The following ZNF512B variants were observed in gnomAD, a reference collection of about 807,000 sequenced individuals.
The protein encoded by ZNF512B is zinc finger protein 512B.
ZNF512B carries 22 observed loss-of-function variants against 87.8 expected under a neutral mutation model. That is an observed-to-expected ratio of 0.25 (90% CI 0.18 to 0.36). The LOEUF (loss-of-function observed/expected upper bound fraction) is 0.36, where lower values mean the gene tolerates loss of function less well. ZNF512B is among the 10% of genes least tolerant of loss of function. The pLI is 1.00. For missense variants in ZNF512B, 1,060 were observed against 1,231.6 expected (o/e 0.86, Z 2.09); for synonymous variants, 524 against 490.9 (o/e 1.07, Z -0.89).
Position 63,966,866 on chromosome 20 carries a change from A to T in ZNF512B, c.393+10T>A. 1 of 1,613,736 alleles carries T rather than the reference A, an allele frequency of 6.2e-7. No individual in the cohort carries two copies. Among genetic ancestry groups the T allele is most frequent in the Non-Finnish European group, 8.5e-7 (1 of 1,179,976 alleles). On this transcript the variant is annotated intron_variant, in intron 4 of 16. Coordinates refer to ENST00000369888, the MANE Select transcript of ZNF512B (RefSeq NM_020713.3). ...CGAGGCCTCCTCTCCCCCGACCCACAGTCCCTTACCCCTTGGCACCGCTGG... is the reference window on the plus strand; with the variant it reads ...CGAGGCCTCCTCTCCCCCGACCCACTGTCCCTTACCCCTTGGCACCGCTGG...
chr20:63,963,735 G>A, intron 9 of ZNF512B, 25 bp from the exon 10 acceptor site: 1 of 1,613,162 alleles, frequency 6.2e-7, no homozygotes, highest in South Asian at 1.1e-5. Context: ...CATGTGAGAA[G>A]CCTGCCTGGG....
At position 63,965,613 on chromosome 20, in the gene ZNF512B, C is replaced by T. The variant is rs1206507704; in HGVS notation, c.1034+528G>A. Among the ~76,000 whole-genome samples the T allele has an allele frequency of 1.9e-4, 3 of 15,868 alleles. 1 individual carries two copies. The highest frequency in any genetic ancestry group is 2.1e-3 in the African/African-American group (2 of 944). 10.4% of individuals were successfully genotyped at this position (15,868 alleles called of 152,430 possible). On this transcript the variant is annotated intron_variant, in intron 5 of 16. Transcript: ENST00000369888. ...GGACGAGCCCCCATACCTTTTCTCA[C>T]CACTGTTCCTCCCCGACCTGGGACG...
At chr20:63,962,251 C>T (rs759049002) in intron 14 of ZNF512B, 22 bp downstream of exon 14, 8 of 1,594,118 alleles carry the variant, frequency 5.0e-6, no homozygotes, top group South Asian at 2.2e-5. Context: ...CCCACGCCCC[C>T]CACCCGGCTG....
rs749898180 is a variant in ZNF512B, at chr20:63,964,663, T to C, written c.1088A>G (p.Glu363Gly). 5.6e-6 allele frequency: 9 copies of C among 1,612,336 alleles called. No homozygotes were observed. Among genetic ancestry groups the C allele is most frequent in the Non-Finnish European group, 7.6e-6 (9 of 1,179,974 alleles). The change falls in exon 6 of 17, where the codon GAG becomes GGG. Residue 363 changes from glutamate to glycine, a missense_variant. By Grantham distance (98) the Glu-to-Gly change is moderately conservative (BLOSUM62 -2). This residue lies in a region of ZNF512B where 212 missense variants were observed against 207.6 expected (regional missense o/e 1.02). Transcript: ENST00000369888. ...CPIPPKQARPENGEYGPSSMG... is the reference protein window; with the variant it reads ...CPIPPKQARPGNGEYGPSSMG... ...GGAGGAGGGGCCGTACTCCCCATTCTCTGGCCTGGCCTGCTTGGGTGGAAT... is the reference window on the plus strand; with the variant it reads ...GGAGGAGGGGCCGTACTCCCCATTCCCTGGCCTGGCCTGCTTGGGTGGAAT...
intron 16 of ZNF512B, among the ~76,000 whole-genome samples, chr20:63,960,613 A>C (rs57529980): frequency 1.1e-5 from 1 of 93,586 alleles, no homozygotes; most frequent in Admixed American, 9.6e-5. Flanking sequence ...CACAGCCTTC[A>C]GGACCAGGCA....
chr20:63,959,889 C>T lies in ZNF512B; in HGVS notation c.2678G>A (p.Ter893=). 6.3e-7 allele frequency: 1 copy of T among 1,579,520 alleles called. No individual in the cohort carries two copies. Among genetic ancestry groups the T allele is most frequent in the South Asian group, 1.1e-5 (1 of 87,502 alleles). The part of the protein sequence containing the change: ...KVGVSKAPEK[*] ...GGGGCCAGGCCCCACGCACCATGCT[C>T]ACTTTTCAGGCGCCTTGCTGACTCC... The change falls in exon 17 of 17, where the codon TGA becomes TAA. Residue 893 remains the stop codon, a stop_retained_variant. Transcript: ENST00000369888.
chr20:63,959,965 G>A lies in ZNF512B; in HGVS notation c.2602C>T (p.Pro868Ser). 1 of 1,611,792 alleles carries A rather than the reference G, an allele frequency of 6.2e-7. No individual in the cohort carries two copies. Among genetic ancestry groups the A allele is most frequent in the Non-Finnish European group, 8.5e-7 (1 of 1,179,946 alleles). Reference sequence around the variant, plus strand: ...GCCCCCTTGTCTCTGCATCCTGGAGGCCAGTCGTCCCGGCGCGGGGGCAGC... The same window carrying A: ...GCCCCCTTGTCTCTGCATCCTGGAGACCAGTCGTCCCGGCGCGGGGGCAGC... ...AKLPPRRDDWPPGCRDKGARG... is the reference protein window; with the variant it reads ...AKLPPRRDDWSPGCRDKGARG... Residue 868 changes from proline to serine, a missense_variant, in exon 17 of 17, where the codon CCT becomes TCT. Coordinates refer to ENST00000369888, the MANE Select transcript of ZNF512B (RefSeq NM_020713.3).
rs1261389411 is a variant in ZNF512B at position 63,959,513 on chromosome 20, G to A, written c.*375C>T. The stretch of plus-strand genomic sequence containing the variant: ...GGTCACCAGGGATGCCTGAGCCTTG[G>A]GGTAGCCAGGGAAGGGACCCGGCAG... On this transcript the variant is annotated 3_prime_UTR_variant, in exon 17 of 17. Transcript: ENST00000369888. 4.0e-6 allele frequency: 1 copy of A among 253,146 alleles called. No individual in the cohort carries two copies. The highest frequency in any genetic ancestry group is 1.1e-4 in the South Asian group (1 of 9,102). 15.7% of individuals were successfully genotyped at this position (253,146 alleles called of 1,614,324 possible).
rs748574888 is a variant in ZNF512B at position 63,966,242 on chromosome 20, G to A, written c.933C>T (p.Pro311=). The A allele has an allele frequency of 2.5e-6, 4 of 1,613,902 alleles. No homozygotes were observed. The highest frequency in any genetic ancestry group is 4.5e-5 in the East Asian group (2 of 44,904). The change falls in exon 5 of 17, where the codon CCC becomes CCT. Residue 311 remains proline (P), a synonymous_variant. Transcript: ENST00000369888. ...GCGGTGTGTGTCTGCTGATAGCAATGGGCCTGCTGACTGTCACCGGCTTGC... is the reference window on the plus strand; with the variant it reads ...GCGGTGTGTGTCTGCTGATAGCAATAGGCCTGCTGACTGTCACCGGCTTGC... ...VVSKPVTVSR[P]IAISRHTPPC... is the part of the protein sequence containing the mutation.
At chr20:63,966,836 C>T (rs771947481) in intron 4 of ZNF512B, 40 bp downstream of exon 4, 1 of 1,611,736 alleles carries the variant, frequency 6.2e-7, no homozygotes, top group East Asian at 2.2e-5. Flanking sequence ...TGCCCAAACA[C>T]ACCCCGAGGC....
chr20:63,968,507 T>C (rs2058950338), intron 1 of ZNF512B, among the ~76,000 whole-genome samples: 1 of 152,122 alleles, frequency 6.6e-6, no homozygotes, highest in Non-Finnish European at 1.5e-5. Flanking sequence ...CTTGATGCAA[T>C]GCCAGCCTAC....
intron 3 of ZNF512B, 98 bp downstream of exon 3, chr20:63,967,283 G>A (rs1192927886): frequency 6.7e-7 from 1 of 1,482,764 alleles, no homozygotes; most frequent in Non-Finnish European, 9.0e-7. Flanking sequence ...TTGAGGCATA[G>A]AGTTGGTACC....
rs1324314259 is a variant in ZNF512B at position 63,961,880 on chromosome 20, TG to T, written c.2328+61del. ...CTCACTACTGTGTGGGAAGCCCGCG[TG>T]GGGTGAGCTGGGAGCTCTGAGTGCA... On this transcript the variant is annotated intron_variant, in intron 15 of 16. Coordinates refer to ENST00000369888, the MANE Select transcript of ZNF512B (RefSeq NM_020713.3). The surrounding 1 kb of genome is among the most constrained non-coding windows in gnomAD (Gnocchi z 6.4). 3.3e-6 allele frequency: 5 copies of T among 1,520,220 alleles called. No homozygotes were observed. The highest frequency in any genetic ancestry group is 4.5e-6 in the Non-Finnish European group (5 of 1,120,038). The allele number at this position is 1,520,220 out of a possible 1,614,324, so 94.2% of individuals were successfully genotyped here. A position where few individuals can be genotyped will look rare whatever the true frequency, so the allele number is the denominator to read the frequency against.
At chr20:63,969,289 G>T in intron 1 of ZNF512B, 1 of 649,116 alleles carries the variant, frequency 1.5e-6, no homozygotes, top group South Asian at 6.8e-5. Flanking sequence ...GGGCCAGCCT[G>T]GGAGGCAGAG....
rs994857756 is a variant in ZNF512B at position 63,964,366 on chromosome 20, C to T, written c.1287G>A (p.Lys429=). The T allele has an allele frequency of 6.2e-7, 1 of 1,613,866 alleles. No homozygotes were observed. Among genetic ancestry groups the T allele is most frequent in the Non-Finnish European group, 8.5e-7 (1 of 1,179,916 alleles). Residue 429 remains lysine (K), a synonymous_variant, in exon 7 of 17, where the codon AAG becomes AAA. Coordinates refer to ENST00000369888, the MANE Select transcript of ZNF512B (RefSeq NM_020713.3). ...AGATGGATGGCTGCTCCCCTGTAAA[C>T]TTTTTGGGTGTTTTCTGTTTCCTTC... ...KHRRKQKTPK[K]FTGEQPSISG... is the part of the protein sequence containing the mutation.
intron 5 of ZNF512B, among the ~76,000 whole-genome samples, chr20:63,965,904 C>T (rs1327513331): frequency 5.0e-5 from 2 of 40,070 alleles, no homozygotes; most frequent in Admixed American, 1.9e-4. Flanking sequence ...TGACCTGGGA[C>T]GAGCCCCCAT....
Position 63,959,972 on chromosome 20 carries a change from G to C in ZNF512B, c.2595C>G (p.Asp865Glu). 1 of 1,612,246 alleles carries C rather than the reference G, an allele frequency of 6.2e-7. No individual in the cohort carries two copies. ...TGTCTCTGCATCCTGGAGGCCAGTC[G>C]TCCCGGCGCGGGGGCAGCTTGGCCA... The part of the protein sequence containing the change: ...EPVAKLPPRR[D>E]DWPPGCRDKG... The change falls in exon 17 of 17, where the codon GAC becomes GAG. Residue 865 changes from aspartate (D) to glutamate (E), a missense_variant. Around this residue, in one of 9 missense-constraint regions of ZNF512B, gnomAD observed 253 missense variants for 259.2 expected, o/e 0.98. Transcript: ENST00000369888.
intron 3 of ZNF512B, 132 bp downstream of exon 3, chr20:63,967,249 G>A: frequency 5.0e-6 from 7 of 1,400,222 alleles, no homozygotes; most frequent in Non-Finnish European, 6.7e-6. Flanking sequence ...GCCACGTGAA[G>A]TCTGCCAGGC....
rs1259143547 is a variant in ZNF512B at position 63,964,545 on chromosome 20, C to T, written c.1206G>A (p.Leu402=). The change falls in exon 6 of 17, where the codon CTG becomes CTA. Residue 402 remains leucine, a synonymous_variant. Coordinates refer to ENST00000369888, the MANE Select transcript of ZNF512B (RefSeq NM_020713.3). ...GSRPSGGMEA[L]KAAGPASPPE... ...GCGGGGACGCAGGGCCTGCAGCCTT[C>T]AGTGCCTCCATGCCCCCTGACGGCC... 2 of 1,613,008 alleles carry T rather than the reference C, an allele frequency of 1.2e-6. No individual in the cohort carries two copies. The highest frequency in any genetic ancestry group is 1.7e-4 in the Middle Eastern group (1 of 6,056).
Sources: allele counts gnomAD v4.1 joint callset (sites outside exome capture counted in the v4.1 genomes callset), GRCh38; gene constraint gnomAD v4.1.1; regional missense constraint gnomAD v4.1.1; non-coding constraint Gnocchi (gnomAD v3.1); transcripts MANE v1.5; gene names NCBI Gene and HGNC (gene_info 2026-07-23, HGNC 2026-07-21).